The following SEMA3F variants were observed in gnomAD, a reference collection of about 807,000 sequenced individuals.
SEMA3F encodes the protein semaphorin-3F.
In SEMA3F, 30 loss-of-function variants were observed where a neutral mutation model predicts 98.5. The observed-to-expected ratio is 0.30, with a 90% CI of 0.23 to 0.41. The LOEUF (loss-of-function observed/expected upper bound fraction) is 0.41. SEMA3F is among the 10% of genes least tolerant of loss of function. The pLI is 1.00. For synonymous variants in SEMA3F, 380 were observed against 444.8 expected (o/e 0.85, Z 1.83); for missense variants, 866 against 1,119.3 (o/e 0.77, Z 3.23).
chr3:50,175,067 G>A, intron 5 of SEMA3F, 29 bp from the exon 6 acceptor site: 1 of 1,410,712 alleles, frequency 7.1e-7, no homozygotes, highest in Non-Finnish European at 9.9e-7. Context: ...GCCACCCCCA[G>A]CTCTAACCCC....
intron 12 of SEMA3F, chr3:50,184,380 G>A (rs1418909500): frequency 1.7e-6 from 1 of 588,470 alleles, no homozygotes; most frequent in Non-Finnish European, 3.0e-6. Flanking sequence ...CCTGAGGCCA[G>A]GGAGGTGGCT....
Position 50,189,045 on chromosome 3 carries a change from C to G in SEMA3F, c.*930C>G, listed in dbSNP as rs1195952428. 6.6e-6 allele frequency: 1 copy of G among 152,226 alleles called. No homozygotes were observed. The highest frequency in any genetic ancestry group is 1.5e-5 in the Non-Finnish European group (1 of 68,072). 9.4% of individuals were successfully genotyped at this position (152,226 alleles called of 1,614,324 possible). ...GGCCACAGCCGCCTTTGGGTTCCAT[C>G]TTGCTAATAAACACTGGCTCTGGGA... On this transcript the variant is annotated 3_prime_UTR_variant, in exon 19 of 19. Transcript: ENST00000002829.
chr3:50,184,975 A>G (rs926573036), intron 13 of SEMA3F, among the ~76,000 whole-genome samples, 161 bp downstream of exon 13: 2 of 152,200 alleles, frequency 1.3e-5, no homozygotes, highest in Non-Finnish European at 2.9e-5. Context: ...ATGGGATAAC[A>G]GAGGCTAGGG....
chr3:50,172,295 C>T (rs1698642880), intron 2 of SEMA3F, among the ~76,000 whole-genome samples: 1 of 152,176 alleles, frequency 6.6e-6, no homozygotes, highest in African/African-American at 2.4e-5. Context: ...CTTAAGCCCC[C>T]TGTGTGTGTG....
intron 17 of SEMA3F, 53 bp downstream of exon 17, chr3:50,186,401 G>A (rs1010263343): frequency 3.1e-5 from 49 of 1,568,402 alleles, no homozygotes; most frequent in East Asian, 4.5e-5. Context: ...AGAAGTCCAC[G>A]CAGCCCACGA....
intron 13 of SEMA3F, 85 bp from the exon 14 acceptor site, chr3:50,185,358 G>T: frequency 7.7e-7 from 1 of 1,295,662 alleles, no homozygotes. Context: ...AGGGGGGTTT[G>T]GGCCCTGGTG....
chr3:50,178,608 G>A (rs1698902082), intron 7 of SEMA3F, among the ~76,000 whole-genome samples: 2 of 150,984 alleles, frequency 1.3e-5, no homozygotes, highest in African/African-American at 2.4e-5. Context: ...TGTAATCCCA[G>A]CTACTTGGGA....
rs1698079605 is a variant in SEMA3F, at chr3:50,158,455, C to T, written c.-48-1120C>T. 6.6e-6 allele frequency among the ~76,000 whole-genome samples: 1 copy of T among 152,150 alleles called. No homozygotes were observed. The highest frequency in any genetic ancestry group is 1.5e-5 in the Non-Finnish European group (1 of 68,008). Reference sequence around the variant, plus strand: ...TGTCATCAGGGTCTAATGAGTGGGGCCTAAGAGTCAGACTGGAGCCTGGGC... The same window carrying T: ...TGTCATCAGGGTCTAATGAGTGGGGTCTAAGAGTCAGACTGGAGCCTGGGC... On this transcript the variant is annotated intron_variant, in intron 1 of 18. Transcript: ENST00000002829. This position sits in a 1 kb window ranked among gnomAD's most constrained non-coding sequence, Gnocchi z 4.8.
At chr3:50,160,786 C>G (rs1316230514) in intron 2 of SEMA3F, among the ~76,000 whole-genome samples, 2 of 152,190 alleles carry the variant, frequency 1.3e-5, no homozygotes, top group Non-Finnish European at 2.9e-5. Flanking sequence ...CTCACCATGT[C>G]CCCCAGCAGG....
chr3:50,174,453 C>A (rs1454069232), intron 5 of SEMA3F, 103 bp downstream of exon 5: 22 of 1,401,724 alleles, frequency 1.6e-5, no homozygotes, highest in Admixed American at 1.4e-4. Context: ...CACTTCCGAG[C>A]CTTTTGACCT....
chr3:50,185,844 C>G, intron 15 of SEMA3F, 45 bp from the exon 16 acceptor site: 2 of 1,606,250 alleles, frequency 1.2e-6, no homozygotes, highest in South Asian at 2.2e-5. Flanking sequence ...GTTGGTGGGG[C>G]TGGCTATGGG....
At chr3:50,173,649 GAAA>G in intron 2 of SEMA3F, 141 bp from the exon 3 acceptor site, 1 of 679,572 alleles carries the variant, frequency 1.5e-6, no homozygotes, top group East Asian at 2.7e-5. Flanking sequence ...CTCGTAAAAA[GAAA>G]AAAAGAAAGA....
At chr3:50,175,470 G>A (rs1052142423) in intron 6 of SEMA3F, among the ~76,000 whole-genome samples, 3 of 152,246 alleles carry the variant, frequency 2.0e-5, no homozygotes, top group Non-Finnish European at 2.9e-5. Context: ...CAGAAAGCAT[G>A]TGTGTAGACA....
upstream of SEMA3F, chr3:50,155,243 G>A (rs933156911): frequency 2.4e-5 from 8 of 334,816 alleles, no homozygotes; most frequent in African/African-American, 1.7e-4. The surrounding 1 kb of genome is among the most constrained non-coding windows in gnomAD (Gnocchi z 4.9). Context: ...GCGCGCCACC[G>A]CCCGCGCCCC....
chr3:50,164,619 G>A (rs952390325), intron 2 of SEMA3F, among the ~76,000 whole-genome samples: 1 of 152,192 alleles, frequency 6.6e-6, no homozygotes, highest in Non-Finnish European at 1.5e-5. Context: ...GGTGATGGTG[G>A]TGGCTGAGCT....
chr3:50,165,123 G>A (rs1427233029), intron 2 of SEMA3F, among the ~76,000 whole-genome samples: 2 of 152,126 alleles, frequency 1.3e-5, no homozygotes, highest in Non-Finnish European at 2.9e-5. Flanking sequence ...TCAGGAGGAG[G>A]AAAATTCCTA....
rs1259307347 is a variant in SEMA3F at position 50,171,134 on chromosome 3, A to AG, written c.113-2655dup. 3.3e-5 allele frequency among the ~76,000 whole-genome samples: 5 copies of AG among 152,094 alleles called. No individual in the cohort carries two copies. The East Asian group carries it at 9.7e-4, about 29-fold the overall frequency. ...ACAGCGGGTGTTCGATAACTGAGCA[A>AG]GGGGCTCCCTCCACCCCCACCTCCA... On this transcript the variant is annotated intron_variant, in intron 2 of 18. Coordinates refer to ENST00000002829, the MANE Select transcript of SEMA3F (RefSeq NM_004186.5).
intron 5 of SEMA3F, 78 bp downstream of exon 5, chr3:50,174,428 C>A: frequency 6.7e-7 from 1 of 1,494,712 alleles, no homozygotes; most frequent in Non-Finnish European, 9.0e-7. Context: ...GGAGGGGCTT[C>A]AGCCCCAGCC....
chr3:50,173,409 T>G, intron 2 of SEMA3F: 1 of 203,214 alleles, frequency 4.9e-6, no homozygotes, highest in Non-Finnish European at 1.0e-5. Context: ...GAGGCGAAGG[T>G]TGCAGTGAGC....
Sources: allele counts gnomAD v4.1 joint callset (sites outside exome capture counted in the v4.1 genomes callset), GRCh38; gene constraint gnomAD v4.1.1; non-coding constraint Gnocchi (gnomAD v3.1); transcripts MANE v1.5; gene names NCBI Gene and HGNC (gene_info 2026-07-23, HGNC 2026-07-21).